CEP350: variants seen among roughly 807,000 people sequenced by gnomAD.
CEP350 encodes centrosome-associated protein 350.
A neutral mutation model predicts 331.8 loss-of-function variants in CEP350; 126 were observed. The ratio of observed to expected loss-of-function variants is 0.38; its 90% CI spans 0.33 to 0.44. The LOEUF (loss-of-function observed/expected upper bound fraction) is 0.44. CEP350 is among the 20% of genes least tolerant of loss of function. CEP350 has a pLI of 1.00. For missense variants in CEP350, 3,406 were observed against 3,634.6 expected (o/e 0.94, Z 1.62); for synonymous variants, 1,200 against 1,259.5 (o/e 0.95, Z 1.00).
intron 1 of CEP350, among the ~76,000 whole-genome samples, chr1:179,984,959 T>C (rs949720296): frequency 6.6e-6 from 1 of 152,178 alleles, no homozygotes; most frequent in African/African-American, 2.4e-5. Flanking sequence ...CCCTTTGAGT[T>C]GTGATATGAT....
chr1:180,025,141 G>C (rs1327217112), intron 14 of CEP350, among the ~76,000 whole-genome samples: 1 of 151,970 alleles, frequency 6.6e-6, no homozygotes, highest in Non-Finnish European at 1.5e-5. Flanking sequence ...AGCCAGGATG[G>C]TCTCGATCTC....
At position 180,020,930 on chromosome 1, in the gene CEP350, A is replaced by G. The variant is rs767148361; in HGVS notation, c.3156A>G (p.Gly1052=). Reference sequence around the variant, plus strand: ...ACATAGGTGGTACACAAAGCAAAGGACCATGGGAAGAATTGGCAAAGGGAA... The same window carrying G: ...ACATAGGTGGTACACAAAGCAAAGGGCCATGGGAAGAATTGGCAAAGGGAA... ...FGHIGGTQSK[G]PWEELAKGSP... Residue 1052 remains glycine, a synonymous_variant, in exon 12 of 38, where the codon GGA becomes GGG. Transcript: ENST00000367607. 2.5e-6 allele frequency: 4 copies of G among 1,604,802 alleles called. No homozygotes were observed. In the Admixed American group the frequency reaches 7.0e-5, roughly 28 times the overall value.
intron 21 of CEP350, among the ~76,000 whole-genome samples, chr1:180,047,705 T>G (rs1657216519): frequency 7.9e-6 from 1 of 126,446 alleles, no homozygotes; most frequent in Non-Finnish European, 1.5e-5. Flanking sequence ...GAGGTTGCAG[T>G]GAACCAAATT....
rs147058635 is a variant in CEP350, at chr1:180,033,892, A to G, written c.3756A>G (p.Lys1252=). 8 of 1,613,748 alleles carry G rather than the reference A, an allele frequency of 5.0e-6. No individual in the cohort carries two copies. In the South Asian group the frequency reaches 5.5e-5, roughly 11 times the overall value. ...SVSSDKGRSQ[K]TPTSPLSPSS... The stretch of plus-strand genomic sequence containing the variant: ...CATCAGATAAGGGAAGATCTCAGAA[A>G]ACTCCAACTTCTCCCCTGTCACCAA... Residue 1252 remains lysine (K), a synonymous_variant, in exon 16 of 38, where the codon AAA becomes AAG. Coordinates refer to ENST00000367607, the MANE Select transcript of CEP350 (RefSeq NM_014810.5).
chr1:179,983,991 A>G (rs1234999907), intron 1 of CEP350, among the ~76,000 whole-genome samples: 1 of 152,228 alleles, frequency 6.6e-6, no homozygotes, highest in Admixed American at 6.5e-5. Context: ...TAGAAAGAAT[A>G]GATAATCTTA....
At position 180,034,055 on chromosome 1, in the gene CEP350, A is replaced by G. The variant is rs1171056632; in HGVS notation, c.3919A>G (p.Thr1307Ala). 21 of 1,613,692 alleles carry G rather than the reference A, an allele frequency of 1.3e-5. 1 individual carries two copies. In the Admixed American group the frequency reaches 2.8e-4, roughly 22 times the overall value. ...TCTGAACCCGGCAGCCAGCAGAACAACGACAGAGAACATGGCTCCAATACC... is the reference window on the plus strand; with the variant it reads ...TCTGAACCCGGCAGCCAGCAGAACAGCGACAGAGAACATGGCTCCAATACC... ...TDLNPAASRT[T>A]TENMAPIPGS... The change falls in exon 16 of 38, where the codon ACG becomes GCG. Residue 1307 changes from threonine to alanine, a missense_variant. Coordinates refer to ENST00000367607, the MANE Select transcript of CEP350 (RefSeq NM_014810.5).
intron 37 of CEP350, among the ~76,000 whole-genome samples, chr1:180,110,781 A>G (rs1661429375): frequency 6.6e-6 from 1 of 152,206 alleles, no homozygotes; most frequent in Admixed American, 6.5e-5. Flanking sequence ...AATATTGTCA[A>G]ATGTTATTTT....
chr1:180,096,105 C>G lies in CEP350; in HGVS notation c.8987C>G (p.Pro2996Arg). The change falls in exon 36 of 38, where the codon CCT becomes CGT. Residue 2996 changes from proline to arginine, a missense_variant. By Grantham distance (103) the Pro-to-Arg change is moderately radical. Coordinates refer to ENST00000367607, the MANE Select transcript of CEP350 (RefSeq NM_014810.5). ...IFAEDPNLNQPVWMKPCRINS... is the reference protein window; with the variant it reads ...IFAEDPNLNQRVWMKPCRINS... ...GCTGAGGATCCCAACTTAAATCAAC[C>G]TGTCTGGATGAAGCCATGTAGAATC... 6.4e-7 allele frequency: 1 copy of G among 1,560,300 alleles called. No homozygotes were observed. The highest frequency in any genetic ancestry group is 8.7e-7 in the Non-Finnish European group (1 of 1,150,584).
chr1:179,990,151 A>C (rs1408358788), intron 3 of CEP350, among the ~76,000 whole-genome samples: 4 of 151,804 alleles, frequency 2.6e-5, no homozygotes, highest in Admixed American at 2.6e-4. Context: ...ACGCCACTGC[A>C]CTCCAGCCTG....
chr1:180,029,117 G>A (rs952679346), intron 14 of CEP350, among the ~76,000 whole-genome samples: 6 of 152,262 alleles, frequency 3.9e-5, no homozygotes, highest in Non-Finnish European at 5.9e-5. Context: ...CAGTGTAGTT[G>A]AAAGTAGTTG....
rs756513780 is a variant in CEP350 at position 180,019,975 on chromosome 1, T to G, written c.2201T>G (p.Met734Arg). The G allele has an allele frequency of 1.2e-6, 2 of 1,609,636 alleles. No homozygotes were observed. Among genetic ancestry groups the G allele is most frequent in the East Asian group, 4.5e-5 (2 of 44,860 alleles). ...ARKDLMESTW[M>R]QPERLSPQVH... ...AAAGACTTGATGGAATCTACATGGA[T>G]GCAGCCTGAAAGATTGAGCCCACAA... The change falls in exon 12 of 38, where the codon ATG becomes AGG. Residue 734 changes from methionine (M) to arginine (R), a missense_variant. Around this residue, in one of 5 missense-constraint regions of CEP350, gnomAD observed 1,857 missense variants for 1,909.2 expected, o/e 0.97. Transcript: ENST00000367607.
chr1:180,067,834 G>A lies in CEP350; in HGVS notation c.5567+2562G>A, dbSNP rs920022255. ...GCTTTTAAATACCATTTATATTACC[G>A]GAGCACCATAGTTTGATCTCCTTCA... is the stretch of plus-strand genomic sequence containing the variant. On this transcript the variant is annotated intron_variant, in intron 27 of 37. Coordinates refer to ENST00000367607, the MANE Select transcript of CEP350 (RefSeq NM_014810.5). Among the ~76,000 whole-genome samples, 8 of 152,118 alleles carry A rather than the reference G, an allele frequency of 5.3e-5. No individual in the cohort carries two copies. In the East Asian group the frequency reaches 9.6e-4, roughly 18 times the overall value.
At position 180,092,722 on chromosome 1, in the gene CEP350, C is replaced by G. The variant is rs1391809875; in HGVS notation, c.6617C>G (p.Ser2206Cys). Residue 2206 changes from serine to cysteine, a missense_variant, in exon 34 of 38, where the codon TCT (serine) becomes TGT (cysteine). Physicochemically the swap from Ser to Cys is moderately radical, Grantham distance 112 (BLOSUM62 -1). This residue lies in a region of CEP350 where 1,415 missense variants were observed against 1,512.3 expected (regional missense o/e 0.94). Coordinates refer to ENST00000367607, the MANE Select transcript of CEP350 (RefSeq NM_014810.5). ...CGAACAGAAGATTTTCAGACCCCAT[C>G]TCCAGTTCTCAGATCATCAAGGAAA... ...DSRTEDFQTP[S>C]PVLRSSRKIR... 6.2e-7 allele frequency: 1 copy of G among 1,610,220 alleles called. No homozygotes were observed. The highest frequency in any genetic ancestry group is 8.5e-7 in the Non-Finnish European group (1 of 1,177,854).
chr1:180,020,417 G>A lies in CEP350; in HGVS notation c.2643G>A (p.Val881=). The change falls in exon 12 of 38, where the codon GTG becomes GTA. Residue 881 remains valine (V), a synonymous_variant. Transcript: ENST00000367607. ...GGACCAAGGCTGTAACTCCACCTGT[G>A]AAAGATGATAATGAAGATGTTTTCT... is the stretch of plus-strand genomic sequence containing the variant. The part of the protein sequence containing the change: ...GPWTKAVTPP[V]KDDNEDVFSA... 6.2e-7 allele frequency: 1 copy of A among 1,613,904 alleles called. No homozygotes were observed. Among genetic ancestry groups the A allele is most frequent in the South Asian group, 1.1e-5 (1 of 91,082 alleles).
At chr1:180,068,691 A>G (rs931692528) in intron 27 of CEP350, among the ~76,000 whole-genome samples, 1 of 152,182 alleles carries the variant, frequency 6.6e-6, no homozygotes, top group African/African-American at 2.4e-5. Flanking sequence ...ATTTGTTAAC[A>G]GTAGCTTCTT....
At chr1:180,041,438 CATTTCCAGTT>C (rs1656752870) in intron 18 of CEP350, among the ~76,000 whole-genome samples, 190 bp downstream of exon 18, 1 of 152,114 alleles carries the variant, frequency 6.6e-6, no homozygotes. Context: ...TGTCAAGACT[CATTTCCAGTT>C]TAGGGAAGTG....
chr1:180,076,673 C>T (rs1432814985), intron 28 of CEP350, among the ~76,000 whole-genome samples: 2 of 152,098 alleles, frequency 1.3e-5, no homozygotes, highest in East Asian at 3.9e-4. Context: ...CCTGTGGTCC[C>T]AGCTACTCAG....
intron 11 of CEP350, among the ~76,000 whole-genome samples, 154 bp from the exon 12 acceptor site, chr1:180,019,795 T>G (rs1363263517): frequency 1.3e-5 from 2 of 152,212 alleles, no homozygotes; most frequent in Non-Finnish European, 2.9e-5. Context: ...GCCTCTTTTT[T>G]ATTGTTTTGC....
chr1:180,035,406 G>A (rs1238461640), intron 16 of CEP350, among the ~76,000 whole-genome samples: 1 of 152,216 alleles, frequency 6.6e-6, no homozygotes, highest in African/African-American at 2.4e-5. Context: ...CTAGGACTTT[G>A]ATAACTAGAG....
Sources: allele counts gnomAD v4.1 joint callset (sites outside exome capture counted in the v4.1 genomes callset), GRCh38; gene constraint gnomAD v4.1.1; regional missense constraint gnomAD v4.1.1; transcripts MANE v1.5; gene names NCBI Gene and HGNC (gene_info 2026-07-23, HGNC 2026-07-21).